The following ARID1B variants were observed in gnomAD, a reference collection of about 807,000 sequenced individuals.
The protein encoded by ARID1B is AT-rich interactive domain-containing protein 1B.
ARID1B carries 30 observed loss-of-function variants against 212.3 expected under a neutral mutation model. That is an observed-to-expected ratio of 0.14 (90% CI 0.11 to 0.19). The LOEUF (loss-of-function observed/expected upper bound fraction) is 0.19. Among genes scored for constraint, ARID1B ranks in the 10% least tolerant of loss-of-function variants. ARID1B has a pLI of 1.00. For missense variants in ARID1B, 2,891 were observed against 3,204.0 expected, an observed-to-expected ratio of 0.90 and a Z score of 2.36; for synonymous variants, 1,402 against 1,301.7, an observed-to-expected ratio of 1.08 and a Z score of -1.66.
At chr6:157,064,619 G>A (rs1049548043) in intron 4 of ARID1B, among the ~76,000 whole-genome samples, 4 of 152,096 alleles carry the variant, frequency 2.6e-5, no homozygotes, top group Non-Finnish European at 5.9e-5. Flanking sequence ...TTCTGGATTC[G>A]CCGAGAACAC....
chr6:156,793,516 T>A (rs1562389586), intron 1 of ARID1B, among the ~76,000 whole-genome samples: 1 of 151,990 alleles, frequency 6.6e-6, no homozygotes, highest in East Asian at 1.9e-4. Flanking sequence ...TCAAAATTTT[T>A]GCAGAGATGG....
intron 2 of ARID1B, among the ~76,000 whole-genome samples, chr6:156,846,849 C>A (rs1304986845): frequency 6.6e-6 from 1 of 152,116 alleles, no homozygotes; most frequent in Non-Finnish European, 1.5e-5. Context: ...AGATTGTTTA[C>A]CCAGCCCCCC....
chr6:156,869,311 G>A (rs1470600156), intron 2 of ARID1B, among the ~76,000 whole-genome samples: 1 of 152,114 alleles, frequency 6.6e-6, no homozygotes. Context: ...GTGTTTTTTG[G>A]TATAGTTCAT....
chr6:157,161,431 G>GTGTGTGTGTGTGTGTATATATATA (rs540423195), intron 8 of ARID1B, among the ~76,000 whole-genome samples: 3 of 139,380 alleles, frequency 2.2e-5, no homozygotes, highest in African/African-American at 8.4e-5. Flanking sequence ...TTGTGTGTGT[G>GTGTGTGTGTGTGTGTATATATATA]TATATATATA....
rs144226491 is a variant in ARID1B at position 156,977,987 on chromosome 6, A to G, written c.2247+42411A>G. ...CCCTCTCTGGCGGGTGGGAGCAGGA[A>G]CTCTTCTGTGTGAGCCCTGAGGATT... is the stretch of plus-strand genomic sequence containing the variant. On this transcript the variant is annotated intron_variant, in intron 4 of 19. Coordinates refer to ENST00000636930, the MANE Select transcript of ARID1B (RefSeq NM_001374828.1). Among the ~76,000 whole-genome samples the G allele has an allele frequency of 6.2e-3, 938 of 151,882 alleles. 8 individuals are homozygous for G. Among genetic ancestry groups the G allele is most frequent in the South Asian group, 0.011 (52 of 4,802 alleles).
intron 4 of ARID1B, among the ~76,000 whole-genome samples, chr6:157,051,788 C>T (rs1367097507): frequency 2.0e-5 from 3 of 152,170 alleles, no homozygotes; most frequent in Non-Finnish European, 2.9e-5. Flanking sequence ...GTGCACCACA[C>T]TCTTAGGTAT....
Position 156,961,870 on chromosome 6 carries a change from G to A in ARID1B, c.2247+26294G>A, listed in dbSNP as rs116665142. 6.1e-3 allele frequency among the ~76,000 whole-genome samples: 927 copies of A among 152,168 alleles called. 13 individuals carry two copies. Among genetic ancestry groups the A allele is most frequent in the African/African-American group, 0.021 (892 of 41,494 alleles). On this transcript the variant is annotated intron_variant, in intron 4 of 19. Transcript: ENST00000636930. Reference sequence around the variant, plus strand: ...TATTTCAAAATAAACATAATGTTGGGGTGGGGAGCAGCCTGCCACTTCTAA... The same window carrying A: ...TATTTCAAAATAAACATAATGTTGGAGTGGGGAGCAGCCTGCCACTTCTAA...
At chr6:156,910,623 T>C (rs979655285) in intron 3 of ARID1B, among the ~76,000 whole-genome samples, 4 of 152,204 alleles carry the variant, frequency 2.6e-5, no homozygotes, top group Admixed American at 1.3e-4. Flanking sequence ...AGTCTGGGAT[T>C]CATTTAAAAA....
intron 1 of ARID1B, among the ~76,000 whole-genome samples, chr6:156,807,370 A>C (rs1361787473): frequency 6.6e-6 from 1 of 151,484 alleles, no homozygotes; most frequent in Non-Finnish European, 1.5e-5. Context: ...CCCGCCATCT[A>C]GTTGAGTTTC....
intron 6 of ARID1B, among the ~76,000 whole-genome samples, chr6:157,128,694 C>T (rs1401324628): frequency 6.6e-6 from 1 of 152,146 alleles, no homozygotes; most frequent in African/African-American, 2.4e-5. Flanking sequence ...AGATGAAATA[C>T]TTCATATTCA....
In ARID1B at chr6:157,136,926, T is replaced by C. The variant is rs529052908; in HGVS notation, c.2761+3719T>C. 1.7e-4 allele frequency among the ~76,000 whole-genome samples: 25 copies of C among 146,570 alleles called. No homozygotes were observed. The Middle Eastern group carries it at 0.013, about 74-fold the overall frequency. The stretch of plus-strand genomic sequence containing the variant: ...AAGAATGTTGCTCATGCCCATAATC[T>C]CAGCACTTTGAGAGGCTGAGGCAGG... On this transcript the variant is annotated intron_variant, in intron 7 of 19. Transcript: ENST00000636930.
At chr6:156,849,910 A>G (rs1784472845) in intron 2 of ARID1B, among the ~76,000 whole-genome samples, 1 of 151,504 alleles carries the variant, frequency 6.6e-6, no homozygotes, top group Non-Finnish European at 1.5e-5. Flanking sequence ...CCTTTTTGAC[A>G]CCGGGCTTTC....
intron 2 of ARID1B, among the ~76,000 whole-genome samples, chr6:156,861,688 T>C (rs1294071573): frequency 1.3e-5 from 2 of 152,234 alleles, no homozygotes; most frequent in Non-Finnish European, 2.9e-5. Context: ...AATGGTCTTA[T>C]ACACCTTCCC....
chr6:156,881,434 AT>A (rs1225553590), intron 2 of ARID1B, among the ~76,000 whole-genome samples: 37 of 152,340 alleles, frequency 2.4e-4, no homozygotes, highest in African/African-American at 8.9e-4. Flanking sequence ...TTTTAAAAAT[AT>A]ATGTATGTAT....
intron 2 of ARID1B, chr6:156,829,777 C>T (rs1783015854): frequency 5.7e-6 from 1 of 175,378 alleles, no homozygotes; most frequent in Non-Finnish European, 1.2e-5. Context: ...TGTGAATAGA[C>T]CATCTTAAGG....
intron 4 of ARID1B, among the ~76,000 whole-genome samples, chr6:157,008,224 AT>A (rs1309151022): frequency 6.6e-6 from 1 of 152,140 alleles, no homozygotes; most frequent in East Asian, 1.9e-4. Flanking sequence ...CATTAAGTAC[AT>A]TCACATTGCT....
chr6:156,831,438 C>T (rs550320041), intron 2 of ARID1B, among the ~76,000 whole-genome samples: 6 of 152,234 alleles, frequency 3.9e-5, no homozygotes, highest in South Asian at 2.1e-4. Flanking sequence ...ATGCTGTTCA[C>T]GGCAAGCAGC....
intron 4 of ARID1B, among the ~76,000 whole-genome samples, chr6:157,021,874 C>T (rs1780314131): frequency 6.6e-6 from 1 of 151,892 alleles, no homozygotes; most frequent in Non-Finnish European, 1.5e-5. Flanking sequence ...CCTGCGCCGT[C>T]TCGCGCCGCC....
chr6:157,016,321 A>T (rs886674680), intron 4 of ARID1B, among the ~76,000 whole-genome samples: 2 of 151,954 alleles, frequency 1.3e-5, no homozygotes. Context: ...GCCACCCCCC[A>T]CCCCAAATAT....
Sources: allele counts gnomAD v4.1 joint callset (sites outside exome capture counted in the v4.1 genomes callset), GRCh38; gene constraint gnomAD v4.1.1; transcripts MANE v1.5; gene names NCBI Gene and HGNC (gene_info 2026-07-23, HGNC 2026-07-21).